ADAM32: variants seen among roughly 807,000 people sequenced by gnomAD.
ADAM32 encodes disintegrin and metalloproteinase domain-containing protein 32.
ADAM32 carries 89 observed loss-of-function variants against 114.9 expected under a neutral mutation model. The ratio of observed to expected loss-of-function variants is 0.77; its 90% CI spans 0.65 to 0.92. The LOEUF (loss-of-function observed/expected upper bound fraction) is 0.92, where lower values mean the gene tolerates loss of function less well. ADAM32 is among the 40% of genes least tolerant of loss of function. The pLI is 0.00. For synonymous variants in ADAM32, 285 were observed against 307.5 expected (o/e 0.93, Z 0.77); for missense variants, 870 against 932.8 (o/e 0.93, Z 0.88).
intron 1 of ADAM32, among the ~76,000 whole-genome samples, chr8:39,115,052 A>T (rs563323843): frequency 1.3e-5 from 2 of 152,260 alleles, no homozygotes; most frequent in East Asian, 3.9e-4. Context: ...ACGTGATTTC[A>T]TTTTTTTATG....
At chr8:39,124,430 A>C (rs201416166) in intron 2 of ADAM32, among the ~76,000 whole-genome samples, 3 of 94,438 alleles carry the variant, frequency 3.2e-5, no homozygotes, top group African/African-American at 1.2e-4. Context: ...TTTTTTTTTT[A>C]TTTTTGAGAC....
At chr8:39,238,673 T>A (rs1020499637) in intron 16 of ADAM32, among the ~76,000 whole-genome samples, 1 of 152,036 alleles carries the variant, frequency 6.6e-6, no homozygotes, top group Non-Finnish European at 1.5e-5. Flanking sequence ...CCTAAAGAAA[T>A]TTTTTAAAGT....
chr8:39,246,291 G>A, intron 17 of ADAM32, 125 bp downstream of exon 17: 1 of 738,298 alleles, frequency 1.4e-6, no homozygotes, highest in Non-Finnish European at 2.2e-6. Flanking sequence ...CTTCAATTGA[G>A]AGCTGAATTA....
chr8:39,138,134 T>C (rs1009308212), intron 3 of ADAM32, among the ~76,000 whole-genome samples: 2 of 152,148 alleles, frequency 1.3e-5, no homozygotes, highest in Non-Finnish European at 2.9e-5. Context: ...TATGACTACA[T>C]AGAGATAGGG....
intron 16 of ADAM32, among the ~76,000 whole-genome samples, chr8:39,240,603 G>A (rs1456065763): frequency 1.3e-5 from 2 of 152,210 alleles, no homozygotes; most frequent in Non-Finnish European, 2.9e-5. Flanking sequence ...ATTCCATGTG[G>A]TTGGGGAGGC....
At chr8:39,142,437 T>G (rs141532922) in intron 3 of ADAM32, among the ~76,000 whole-genome samples, 1,802 of 152,264 alleles carry the variant, frequency 0.012, 35 homozygotes, top group African/African-American at 0.04. Flanking sequence ...GTCTGTAAAG[T>G]ATTTTATTTC....
chr8:39,195,151 C>A (rs559051990), intron 11 of ADAM32, among the ~76,000 whole-genome samples: 1 of 152,294 alleles, frequency 6.6e-6, no homozygotes, highest in South Asian at 2.1e-4. Context: ...TCTGTCTGCT[C>A]TTATTGCCTT....
chr8:39,182,181 C>T (rs569619634), intron 10 of ADAM32, among the ~76,000 whole-genome samples: 9 of 152,182 alleles, frequency 5.9e-5, no homozygotes, highest in South Asian at 4.2e-4. Flanking sequence ...TTTACAAAGG[C>T]GACACTGTAG....
intron 2 of ADAM32, among the ~76,000 whole-genome samples, chr8:39,129,517 G>T (rs928414221): frequency 1.3e-5 from 2 of 151,950 alleles, no homozygotes; most frequent in East Asian, 3.9e-4. Flanking sequence ...ATTAATTTTT[G>T]GATGTTAAAC....
At chr8:39,126,611 G>A (rs1802130971) in intron 2 of ADAM32, among the ~76,000 whole-genome samples, 1 of 152,126 alleles carries the variant, frequency 6.6e-6, no homozygotes, top group Non-Finnish European at 1.5e-5. Flanking sequence ...ATAGGATCAT[G>A]TCATCTTAAG....
At chr8:39,181,905 G>A (rs557129028) in intron 10 of ADAM32, among the ~76,000 whole-genome samples, 2 of 152,304 alleles carry the variant, frequency 1.3e-5, no homozygotes, top group African/African-American at 4.8e-5. Context: ...GGGCTAGAGT[G>A]TGAAACATAA....
Position 39,136,839 on chromosome 8 carries a change from G to A in ADAM32, c.200+121G>A, listed in dbSNP as rs1802836558. ...ATTAACTTTTTTAATTGTCTTAAGT[G>A]AAGAGATGCTGTCCTGTGACTTAAT... On this transcript the variant is annotated intron_variant, in intron 3 of 24. Coordinates refer to ENST00000379907, the MANE Select transcript of ADAM32 (RefSeq NM_145004.7). 1.2e-5 allele frequency: 8 copies of A among 677,102 alleles called. No homozygotes were observed. In the South Asian group the frequency reaches 2.0e-4, roughly 17 times the overall value. 41.9% of individuals were successfully genotyped at this position (677,102 alleles called of 1,614,324 possible). A position where few individuals can be genotyped will look rare whatever the true frequency, so the allele number is the denominator to read the frequency against.
rs553586863 is a variant in ADAM32 at position 39,197,459 on chromosome 8, T to C, written c.1052+10414T>C. On this transcript the variant is annotated intron_variant, in intron 11 of 24. Transcript: ENST00000379907. ...ACTTTTTTGATGACATTTATTATCA[T>C]AAAATTCTGTCTTAGTACTTCTTTT... 3.3e-5 allele frequency among the ~76,000 whole-genome samples: 5 copies of C among 152,236 alleles called. No homozygotes were observed. In the South Asian group the frequency reaches 1.0e-3, roughly 31 times the overall value.
intron 3 of ADAM32, among the ~76,000 whole-genome samples, chr8:39,146,278 A>G (rs552073403): frequency 2.0e-5 from 3 of 152,356 alleles, no homozygotes; most frequent in Admixed American, 6.5e-5. Context: ...ACATATGCTC[A>G]GATGAATATG....
intron 3 of ADAM32, among the ~76,000 whole-genome samples, chr8:39,138,928 T>G (rs1333533113): frequency 6.6e-6 from 1 of 152,254 alleles, no homozygotes; most frequent in Non-Finnish European, 1.5e-5. Flanking sequence ...TGACCAGTGA[T>G]GATGAGCATT....
chr8:39,284,790 C>T lies in ADAM32; in HGVS notation c.2358-3C>T, dbSNP rs753995776. The stretch of plus-strand genomic sequence containing the variant: ...GCACGTGTTTTTTTGTTCTCTTCCA[C>T]AGTAACTAGTGATTCCTTCAGAAGG... On this transcript the variant is annotated splice_polypyrimidine_tract_variant and splice_region_variant and intron_variant, in intron 24 of 24. Transcript: ENST00000379907. 2 of 1,613,662 alleles carry T rather than the reference C, an allele frequency of 1.2e-6. No individual in the cohort carries two copies. The highest frequency in any genetic ancestry group is 1.3e-5 in the African/African-American group (1 of 74,900).
At chr8:39,211,110 TA>T (rs767433365) in intron 11 of ADAM32, 33 bp from the exon 12 acceptor site, 2 of 1,391,764 alleles carry the variant, frequency 1.4e-6, no homozygotes, top group South Asian at 3.7e-5. Context: ...TCCAGAAGTA[TA>T]CTGCCAATGA....
chr8:39,178,418 T>A (rs1170482919), intron 10 of ADAM32, among the ~76,000 whole-genome samples: 2 of 152,370 alleles, frequency 1.3e-5, no homozygotes, highest in African/African-American at 4.8e-5. Flanking sequence ...GCTCCTGTAT[T>A]GTTTTATTAT....
At position 39,238,886 on chromosome 8, in the gene ADAM32, A is replaced by G. The variant is rs200792787; in HGVS notation, c.1818+4804A>G. ...GACACAGACAAAAAAAATAAAAAAT[A>G]AAACAATGAACAAAGCCTCCATGAA... On this transcript the variant is annotated intron_variant, in intron 16 of 24. Transcript: ENST00000379907. Among the ~76,000 whole-genome samples, 10 of 152,088 alleles carry G rather than the reference A, an allele frequency of 6.6e-5. No homozygotes were observed. The East Asian group carries it at 1.9e-3, about 29-fold the overall frequency.
Sources: gnomAD v4.1 joint callset for allele counts (sites outside exome capture counted in the v4.1 genomes callset) on GRCh38, gnomAD v4.1.1 for gene constraint, MANE v1.5 for transcripts, NCBI Gene and HGNC (gene_info 2026-07-23, HGNC 2026-07-21) for gene names.